The following AREL1 variants were observed in gnomAD, a reference collection of about 807,000 sequenced individuals.
AREL1 encodes the protein apoptosis resistant E3 ubiquitin protein ligase 1, also known as apoptosis-resistant E3 ubiquitin protein ligase 1.
AREL1 carries 62 observed loss-of-function variants against 99.0 expected under a neutral mutation model. The ratio of observed to expected loss-of-function variants is 0.63; its 90% CI spans 0.51 to 0.77. The LOEUF is 0.77. AREL1 is among the 30% of genes least tolerant of loss of function. The pLI is 0.00. For missense variants in AREL1, 879 were observed against 1,027.6 expected (o/e 0.86, Z 1.98); for synonymous variants, 380 against 376.5 (o/e 1.01, Z -0.11).
rs1016245112 is a variant in AREL1, at chr14:74,692,268, T to C, written c.-273A>G. The C allele has an allele frequency of 1.1e-5, 5 of 456,436 alleles. No homozygotes were observed. Among genetic ancestry groups the C allele is most frequent in the African/African-American group, 1.0e-4 (5 of 50,026 alleles). The allele number at this position is 456,436 out of a possible 1,614,324, so 28.3% of individuals were successfully genotyped here. On this transcript the variant is annotated 5_prime_UTR_variant, in exon 2 of 20. Coordinates refer to ENST00000356357, the MANE Select transcript of AREL1 (RefSeq NM_001039479.2). Reference sequence around the variant, plus strand: ...TAGAGAAATACAGCCCAAGAATATATCATTCCTGGACTTCTCTCTAGTGCA... The same window carrying C: ...TAGAGAAATACAGCCCAAGAATATACCATTCCTGGACTTCTCTCTAGTGCA...
chr14:74,703,506 C>A (rs1311273293), intron 1 of AREL1, among the ~76,000 whole-genome samples: 2 of 152,152 alleles, frequency 1.3e-5, no homozygotes, highest in Admixed American at 1.3e-4. Context: ...GAGAATTAAA[C>A]ATGTTAAGTT....
chr14:74,703,549 T>G (rs904632083), intron 1 of AREL1, among the ~76,000 whole-genome samples: 1 of 152,224 alleles, frequency 6.6e-6, no homozygotes, highest in Non-Finnish European at 1.5e-5. Context: ...GGTGAATACA[T>G]TCAAAAGGTA....
chr14:74,676,780 T>C, intron 5 of AREL1, 28 bp from the exon 6 acceptor site: 2 of 1,464,974 alleles, frequency 1.4e-6, no homozygotes, highest in Non-Finnish European at 1.8e-6. Context: ...GAATCTAACA[T>C]TTATTTATTT....
At chr14:74,677,349 T>C (rs1035016068) in intron 5 of AREL1, among the ~76,000 whole-genome samples, 8 of 151,556 alleles carry the variant, frequency 5.3e-5, no homozygotes, top group African/African-American at 1.5e-4. Context: ...AAATAAAAAT[T>C]AGCCAGGCAT....
chr14:74,672,494 T>C (rs1259791449), intron 11 of AREL1, among the ~76,000 whole-genome samples: 7 of 152,162 alleles, frequency 4.6e-5, no homozygotes, highest in Admixed American at 4.6e-4. Context: ...CCCAACACTT[T>C]GGGAGGCTGA....
intron 2 of AREL1, among the ~76,000 whole-genome samples, chr14:74,687,018 G>A (rs78031907): frequency 3.3e-5 from 5 of 152,122 alleles, no homozygotes; most frequent in Admixed American, 6.5e-5. Flanking sequence ...AATCTGCTAC[G>A]ATCTCTCAAA....
rs1468409634 is a variant in AREL1 at position 74,669,973 on chromosome 14, T to C, written c.1762A>G (p.Ile588Val). The change falls in exon 14 of 20, where the codon ATC (isoleucine) becomes GTC (valine). Residue 588 changes from isoleucine to valine, a missense_variant. Physicochemically the swap from Ile to Val is conservative, Grantham distance 29. Coordinates refer to ENST00000356357, the MANE Select transcript of AREL1 (RefSeq NM_001039479.2). ...ARFTRSFLAQ[I>V]IGLRMHYKYF... ...TTGTAATGCATACGCAGTCCTATGA[T>C]TTGGGCCAGGAAAGAGCGGGTGAAG... The C allele has an allele frequency of 1.2e-6, 2 of 1,612,994 alleles. No homozygotes were observed. The highest frequency in any genetic ancestry group is 8.5e-7 in the Non-Finnish European group (1 of 1,179,434).
intron 5 of AREL1, among the ~76,000 whole-genome samples, chr14:74,680,180 A>C (rs956009825): frequency 6.6e-6 from 1 of 152,026 alleles, no homozygotes; most frequent in Non-Finnish European, 1.5e-5. Context: ...TGTCTAAAAA[A>C]AAAAGAAAAA....
In AREL1 at chr14:74,674,023, G is replaced by A. The variant is rs762022087; in HGVS notation, c.1158+11C>T. 1 of 1,602,810 alleles carries A rather than the reference G, an allele frequency of 6.2e-7. No individual in the cohort carries two copies. Among genetic ancestry groups the A allele is most frequent in the Non-Finnish European group, 8.5e-7 (1 of 1,169,948 alleles). ...ATGCTTGATGTGAACCAGATGTAAGGTTCAGCTTACTTTTGTTCCTGGACA... is the reference window on the plus strand; with the variant it reads ...ATGCTTGATGTGAACCAGATGTAAGATTCAGCTTACTTTTGTTCCTGGACA... On this transcript the variant is annotated intron_variant, in intron 9 of 19. Coordinates refer to ENST00000356357, the MANE Select transcript of AREL1 (RefSeq NM_001039479.2).
chr14:74,705,623 C>T (rs1006209144), intron 1 of AREL1, among the ~76,000 whole-genome samples: 2 of 151,894 alleles, frequency 1.3e-5, no homozygotes, highest in Non-Finnish European at 3.0e-5. Context: ...CTTACTGAGT[C>T]ACTCTAACCT....
chr14:74,705,270 C>A (rs901651485), intron 1 of AREL1, among the ~76,000 whole-genome samples: 25 of 152,170 alleles, frequency 1.6e-4, no homozygotes, highest in African/African-American at 5.1e-4. Flanking sequence ...AACTCCCGAC[C>A]TCAGGTGATT....
intron 8 of AREL1, among the ~76,000 whole-genome samples, chr14:74,675,033 TA>T (rs951566312): frequency 1.6e-4 from 24 of 152,094 alleles, no homozygotes; most frequent in African/African-American, 5.8e-4. Flanking sequence ...GTTTTCTTGA[TA>T]AAAAAAAGTT....
At position 74,673,254 on chromosome 14, in the gene AREL1, C is replaced by T. The variant is rs374130101; in HGVS notation, c.1159-36G>A. On this transcript the variant is annotated intron_variant, in intron 9 of 19. Coordinates refer to ENST00000356357, the MANE Select transcript of AREL1 (RefSeq NM_001039479.2). The stretch of plus-strand genomic sequence containing the variant: ...AAAACAAAGAAATTAATCTATAAAA[C>T]CCTCAAGGCCAGTAAAAGTCCTCCA... 27 of 1,608,616 alleles carry T rather than the reference C, an allele frequency of 1.7e-5. No homozygotes were observed. In the African/African-American group the frequency reaches 3.2e-4, roughly 19 times the overall value.
intron 1 of AREL1, among the ~76,000 whole-genome samples, chr14:74,711,574 T>A (rs770239384): frequency 2.6e-5 from 4 of 151,736 alleles, no homozygotes; most frequent in African/African-American, 7.3e-5. Flanking sequence ...AAAATAAAAT[T>A]GGCATAAAAT....
chr14:74,671,282 G>A (rs1407793388), intron 12 of AREL1, 126 bp downstream of exon 12: 2 of 535,046 alleles, frequency 3.7e-6, no homozygotes, highest in African/African-American at 2.2e-5. Flanking sequence ...AAAAAACCTA[G>A]GTTTTTTTTT....
intron 5 of AREL1, among the ~76,000 whole-genome samples, chr14:74,679,736 G>A (rs1162960409): frequency 1.3e-5 from 2 of 152,142 alleles, no homozygotes; most frequent in African/African-American, 2.4e-5. Flanking sequence ...GCTGAGGCAG[G>A]AGAATTGCTT....
intron 1 of AREL1, among the ~76,000 whole-genome samples, chr14:74,697,717 C>A (rs2090003190): frequency 6.6e-6 from 1 of 152,218 alleles, no homozygotes; most frequent in African/African-American, 2.4e-5. Context: ...CCCCAACGAT[C>A]TGGTAATGAG....
intron 5 of AREL1, among the ~76,000 whole-genome samples, chr14:74,681,639 G>A (rs536507725): frequency 6.6e-6 from 1 of 152,110 alleles, no homozygotes; most frequent in South Asian, 2.1e-4. Flanking sequence ...TGGGCGTGGT[G>A]GCACGTGCCT....
intron 3 of AREL1, among the ~76,000 whole-genome samples, chr14:74,685,012 G>A (rs918128166): frequency 2.0e-5 from 3 of 152,202 alleles, no homozygotes; most frequent in Admixed American, 6.5e-5. Context: ...ATGAGCCTTC[G>A]GAACCAAAAA....
Sources: gnomAD v4.1 joint callset for allele counts (sites outside exome capture counted in the v4.1 genomes callset) on GRCh38, gnomAD v4.1.1 for gene constraint, MANE v1.5 for transcripts, NCBI Gene and HGNC (gene_info 2026-07-23, HGNC 2026-07-21) for gene names.